The following SLC30A8 variants were observed in gnomAD, a reference collection of about 807,000 sequenced individuals.
SLC30A8 encodes proton-coupled zinc antiporter SLC30A8.
A neutral mutation model predicts 36.9 loss-of-function variants in SLC30A8; 27 were observed. The ratio of observed to expected loss-of-function variants is 0.73; its 90% CI spans 0.54 to 1.01. The LOEUF is 1.01. Ranked by LOEUF, SLC30A8 falls within the 50% of genes least tolerant of loss-of-function variation. The pLI, the probability that SLC30A8 is intolerant of heterozygous loss-of-function variation, is 0.00. For synonymous variants in SLC30A8, 164 were observed against 172.4 expected, an observed-to-expected ratio of 0.95 and a Z score of 0.38; for missense variants, 439 against 452.0, an observed-to-expected ratio of 0.97 and a Z score of 0.26.
chr8:116,999,875 T>C (rs934687779), intron 1 of SLC30A8, among the ~76,000 whole-genome samples: 24 of 152,106 alleles, frequency 1.6e-4, no homozygotes, highest in Non-Finnish European at 2.9e-5. Flanking sequence ...TGAAAATAAT[T>C]ATATAGAATG....
chr8:117,021,158 A>AT (rs1326957107), intron 1 of SLC30A8, among the ~76,000 whole-genome samples: 1 of 152,074 alleles, frequency 6.6e-6, no homozygotes, highest in East Asian at 1.9e-4. Flanking sequence ...AATAGCCTTG[A>AT]TTTTTTTCCT....
chr8:116,964,794 A>C (rs1814543734), intron 1 of SLC30A8, among the ~76,000 whole-genome samples: 1 of 152,256 alleles, frequency 6.6e-6, no homozygotes. Context: ...TGGCTAAGGT[A>C]GATCCTTCAC....
chr8:117,125,116 T>G (rs1820847557), intron 2 of SLC30A8, among the ~76,000 whole-genome samples: 1 of 151,994 alleles, frequency 6.6e-6, no homozygotes, highest in African/African-American at 2.4e-5. Flanking sequence ...GGTTAAGAAC[T>G]AACAAACTGA....
intron 1 of SLC30A8, among the ~76,000 whole-genome samples, chr8:117,142,102 A>G (rs62510522): frequency 0.058 from 8,790 of 152,186 alleles, 301 homozygotes; most frequent in East Asian, 0.13. Flanking sequence ...ACTCAGCCCC[A>G]TCTTGGGAAT....
chr8:116,973,810 A>C (rs1354337405), intron 1 of SLC30A8, among the ~76,000 whole-genome samples: 3 of 152,248 alleles, frequency 2.0e-5, no homozygotes, highest in Non-Finnish European at 4.4e-5. Context: ...TACAGTAACC[A>C]AAACAGCATG....
intron 2 of SLC30A8, among the ~76,000 whole-genome samples, chr8:117,084,204 G>A (rs1192969025): frequency 6.6e-6 from 1 of 152,126 alleles, no homozygotes; most frequent in Admixed American, 6.6e-5. Flanking sequence ...GGGGGGACAA[G>A]CGGAGAAGAG....
chr8:117,169,808 T>C (rs947884075), intron 6 of SLC30A8, among the ~76,000 whole-genome samples: 2 of 151,950 alleles, frequency 1.3e-5, no homozygotes, highest in African/African-American at 4.8e-5. Flanking sequence ...AACTCACTCA[T>C]CATCGCAAAG....
chr8:117,015,038 G>A (rs187404095), intron 1 of SLC30A8, among the ~76,000 whole-genome samples: 8 of 150,148 alleles, frequency 5.3e-5, no homozygotes, highest in Admixed American at 2.7e-4. Flanking sequence ...TAGATATACC[G>A]AGAGCTGAAA....
intron 6 of SLC30A8, among the ~76,000 whole-genome samples, chr8:117,165,664 A>T (rs1196687854): frequency 6.6e-6 from 1 of 152,222 alleles, no homozygotes; most frequent in Admixed American, 6.5e-5. Context: ...AGAAAGGGCC[A>T]AGGCAATAAA....
rs181681963 is a variant in SLC30A8 at position 117,026,062 on chromosome 8, G to C, written c.-265-13157G>C. Among the ~76,000 whole-genome samples the C allele has an allele frequency of 2.0e-4, 30 of 152,166 alleles. 1 individual carries two copies. Among genetic ancestry groups the C allele is most frequent in the Admixed American group, 1.7e-3 (26 of 15,276 alleles). ...AAGGCAAGGCAGAAGGGAGATGCAGGGGGGAGAAAAGGAGAGAGAACTGCC... is the reference window on the plus strand; with the variant it reads ...AAGGCAAGGCAGAAGGGAGATGCAGCGGGGAGAAAAGGAGAGAGAACTGCC... On this transcript the variant is annotated intron_variant, in intron 1 of 10. Transcript: ENST00000427715.
intron 1 of SLC30A8, among the ~76,000 whole-genome samples, chr8:117,002,539 GTAAAAATGTGATT>G (rs920547616): frequency 8.5e-5 from 13 of 152,062 alleles, no homozygotes; most frequent in African/African-American, 2.9e-4. Flanking sequence ...AATTTCTAGA[GTAAAAATGTGATT>G]TATAATGAGG....
chr8:117,161,388 G>A (rs1465138525), intron 4 of SLC30A8, among the ~76,000 whole-genome samples: 1 of 127,480 alleles, frequency 7.8e-6, no homozygotes, highest in East Asian at 2.2e-4. Flanking sequence ...AGCCAGCTTG[G>A]TGCCTGACAG....
chr8:117,113,332 A>G (rs758061619), intron 2 of SLC30A8, among the ~76,000 whole-genome samples: 15 of 152,272 alleles, frequency 9.9e-5, no homozygotes, highest in Non-Finnish European at 2.1e-4. Flanking sequence ...GATGCTTGTA[A>G]TGGAATGGAA....
chr8:117,069,556 A>T (rs190610276), intron 2 of SLC30A8, among the ~76,000 whole-genome samples: 3 of 152,344 alleles, frequency 2.0e-5, no homozygotes, highest in African/African-American at 7.2e-5. Context: ...GGGGTTCCAG[A>T]GAAGAGTACA....
At chr8:117,147,462 C>T (rs1250601010) in intron 2 of SLC30A8, 1 of 258,766 alleles carries the variant, frequency 3.9e-6, no homozygotes, top group Non-Finnish European at 7.5e-6. Flanking sequence ...ACCATACTGT[C>T]AAATACTCCT....
At chr8:117,077,957 A>G (rs1043793515) in intron 2 of SLC30A8, among the ~76,000 whole-genome samples, 8 of 152,208 alleles carry the variant, frequency 5.3e-5, no homozygotes, top group African/African-American at 1.7e-4. Flanking sequence ...ACGGATTGAT[A>G]TTGTGTAGGA....
At chr8:117,033,119 A>G (rs1586423423) in intron 1 of SLC30A8, among the ~76,000 whole-genome samples, 2 of 152,322 alleles carry the variant, frequency 1.3e-5, no homozygotes, top group East Asian at 3.9e-4. Flanking sequence ...TGGCATGACC[A>G]TGGGACACAG....
chr8:117,136,573 TA>T (rs1821369503), intron 1 of SLC30A8, among the ~76,000 whole-genome samples: 1 of 151,990 alleles, frequency 6.6e-6, no homozygotes, highest in Non-Finnish European at 1.5e-5. Flanking sequence ...TAACTTGGCT[TA>T]AAACAAAGAA....
intron 1 of SLC30A8, among the ~76,000 whole-genome samples, chr8:116,961,357 A>G (rs113561696): frequency 0.028 from 4,273 of 152,208 alleles, 193 homozygotes; most frequent in African/African-American, 0.096. Flanking sequence ...TAAACCCGGG[A>G]GGCAGAGCTT....
Sources: gnomAD v4.1 joint callset for allele counts (sites outside exome capture counted in the v4.1 genomes callset) on GRCh38, gnomAD v4.1.1 for gene constraint, MANE v1.5 for transcripts, NCBI Gene and HGNC (gene_info 2026-07-23, HGNC 2026-07-21) for gene names.